WNT3A: variants seen among roughly 807,000 people sequenced by gnomAD.
The protein encoded by WNT3A is protein Wnt-3a.
Under a neutral mutation model 37.0 loss-of-function variants are expected in WNT3A, and 17 were observed. The ratio of observed to expected loss-of-function variants is 0.46; its 90% CI spans 0.31 to 0.69. WNT3A has a LOEUF of 0.69. Ranked by LOEUF, WNT3A falls within the 30% of genes least tolerant of loss-of-function variation. The pLI, the probability that WNT3A is intolerant of heterozygous loss-of-function variation, is 0.05. For missense variants in WNT3A, 411 were observed against 510.2 expected (o/e 0.81, Z 1.87); for synonymous variants, 187 against 211.0 (o/e 0.89, Z 0.99).
At chr1:228,030,940 G>T (rs539912803) in intron 2 of WNT3A, among the ~76,000 whole-genome samples, 1 of 152,384 alleles carries the variant, frequency 6.6e-6, no homozygotes, top group East Asian at 1.9e-4. Context: ...GTCCTTTGGA[G>T]GGGAGGTGCC....
intron 1 of WNT3A, among the ~76,000 whole-genome samples, chr1:228,014,755 C>T (rs997822317): frequency 6.6e-6 from 1 of 152,254 alleles, no homozygotes; most frequent in African/African-American, 2.4e-5. Flanking sequence ...TGGTCCTGGG[C>T]CAGCCTCCTT....
At chr1:228,035,782 C>T (rs1309401681) in intron 2 of WNT3A, among the ~76,000 whole-genome samples, 3 of 152,154 alleles carry the variant, frequency 2.0e-5, no homozygotes, top group Admixed American at 1.3e-4. Context: ...AAGGGCTGAG[C>T]TCCTGCTGTG....
intron 1 of WNT3A, among the ~76,000 whole-genome samples, chr1:228,014,172 C>T (rs1292585754): frequency 2.0e-5 from 3 of 152,204 alleles, no homozygotes; most frequent in Non-Finnish European, 4.4e-5. Context: ...GCAGCAGGGC[C>T]TGAGATCAGT....
chr1:228,033,142 TGA>T lies in WNT3A; in HGVS notation c.313+10235_313+10236del, dbSNP rs2031051116. 5.3e-5 allele frequency among the ~76,000 whole-genome samples: 8 copies of T among 152,348 alleles called. No individual in the cohort carries two copies. In the South Asian group the frequency reaches 1.7e-3, roughly 32 times the overall value. ...TCTGTGGGTTGTCTTTTCACTTGCT[TGA>T]TGGTGTCCTTTGATACATGCAAGAT... On this transcript the variant is annotated intron_variant, in intron 2 of 3. Coordinates refer to ENST00000284523, the MANE Select transcript of WNT3A (RefSeq NM_033131.4).
chr1:228,023,434 CAG>C (rs1558286662), intron 2 of WNT3A, among the ~76,000 whole-genome samples: 1 of 151,702 alleles, frequency 6.6e-6, no homozygotes, highest in Non-Finnish European at 1.5e-5. Flanking sequence ...GACACACACA[CAG>C]AGAGACAAAG....
rs753153402 is a variant in WNT3A, at chr1:228,022,716, C to T, written c.121C>T (p.Leu41=). ...QYSSLGSQPI[L]CASIPGLVPK... is the part of the protein sequence containing the mutation. ...TTCCTCCCTGGGCTCGCAGCCCATC[C>T]TGTGTGCCAGCATCCCGGGCCTGGT... is the stretch of plus-strand genomic sequence containing the variant. The change falls in exon 2 of 4, where the codon CTG becomes TTG. Residue 41 remains leucine, a synonymous_variant. Transcript: ENST00000284523. 1 of 1,614,190 alleles carries T rather than the reference C, an allele frequency of 6.2e-7. No individual in the cohort carries two copies. Among genetic ancestry groups the T allele is most frequent in the South Asian group, 1.1e-5 (1 of 91,082 alleles).
chr1:228,052,276 T>A (rs1377499487), intron 3 of WNT3A, among the ~76,000 whole-genome samples: 2 of 151,960 alleles, frequency 1.3e-5, no homozygotes. Flanking sequence ...TCTGAGTAGC[T>A]GGGACTATAG....
chr1:228,054,529 G>A (rs1233815574), intron 3 of WNT3A, among the ~76,000 whole-genome samples: 2 of 151,226 alleles, frequency 1.3e-5, no homozygotes, highest in East Asian at 3.9e-4. Context: ...TTGGGAGGCC[G>A]AGGCAGGAGA....
At position 228,059,150 on chromosome 1, in the gene WNT3A, G is replaced by A. The variant is rs2031741608; in HGVS notation, c.744G>A (p.Glu248=). ...ASEMVVEKHR[E]SRGWVETLRP... ...AGATGGTGGTGGAGAAGCACCGGGA[G>A]TCCCGCGGCTGGGTGGAGACCCTGC... Residue 248 remains glutamate (E), a synonymous_variant, in exon 4 of 4, where the codon GAG becomes GAA. Transcript: ENST00000284523. 5 of 1,613,514 alleles carry A rather than the reference G, an allele frequency of 3.1e-6. No individual in the cohort carries two copies. The highest frequency in any genetic ancestry group is 4.2e-6 in the Non-Finnish European group (5 of 1,179,992).
rs1366460715 is a variant in WNT3A at position 228,008,016 on chromosome 1, G to T, written c.71+817G>T. 2.6e-5 allele frequency among the ~76,000 whole-genome samples: 4 copies of T among 152,188 alleles called. No individual in the cohort carries two copies. Among genetic ancestry groups the T allele is most frequent in the African/African-American group, 9.6e-5 (4 of 41,452 alleles). On this transcript the variant is annotated intron_variant, in intron 1 of 3. Coordinates refer to ENST00000284523, the MANE Select transcript of WNT3A (RefSeq NM_033131.4). The surrounding 1 kb of genome is among the most constrained non-coding windows in gnomAD (Gnocchi z 4.9). ...GGAAGTGCAGATAAACCAAAGGAAG[G>T]GTCCCGAAAGGTCTCTCTCAGGCCT...
At chr1:228,047,316 G>T (rs1173975081) in intron 2 of WNT3A, among the ~76,000 whole-genome samples, 2 of 152,210 alleles carry the variant, frequency 1.3e-5, no homozygotes, top group Non-Finnish European at 2.9e-5. Flanking sequence ...CAGGCCCGAG[G>T]GGCTCAGGGG....
chr1:228,020,708 A>C (rs1241567595), intron 1 of WNT3A, among the ~76,000 whole-genome samples: 4 of 152,068 alleles, frequency 2.6e-5, no homozygotes, highest in African/African-American at 4.8e-5. Flanking sequence ...GTAGTGAATG[A>C]ATAAAGAAGT....
intron 2 of WNT3A, among the ~76,000 whole-genome samples, chr1:228,032,488 C>A (rs1400869325): frequency 6.6e-6 from 1 of 152,252 alleles, no homozygotes; most frequent in Non-Finnish European, 1.5e-5. Context: ...GCTCTGGAGT[C>A]CCCAAATCTA....
chr1:228,021,486 G>GC (rs2030705707), intron 1 of WNT3A, among the ~76,000 whole-genome samples: 1 of 152,120 alleles, frequency 6.6e-6, no homozygotes, highest in African/African-American at 2.4e-5. Flanking sequence ...TCACAGTTGA[G>GC]CCCCTCCTCC....
Position 228,050,942 on chromosome 1 carries a change from G to T in WNT3A, c.579+21G>T, listed in dbSNP as rs760499034. 1 of 1,514,220 alleles carries T rather than the reference G, an allele frequency of 6.6e-7. No individual in the cohort carries two copies. Among genetic ancestry groups the T allele is most frequent in the Non-Finnish European group, 8.8e-7 (1 of 1,132,984 alleles). The allele number at this position is 1,514,220 out of a possible 1,614,324, so 93.8% of individuals were successfully genotyped here. ...GCCAGGTAGGTTCGCCGCCCGCAAG[G>T]GTGCTTGGGAAAAAGGAGCCTCCTC... On this transcript the variant is annotated intron_variant, in intron 3 of 3. Coordinates refer to ENST00000284523, the MANE Select transcript of WNT3A (RefSeq NM_033131.4). The surrounding 1 kb of genome is among the most constrained non-coding windows in gnomAD (Gnocchi z 5.0).
intron 2 of WNT3A, among the ~76,000 whole-genome samples, chr1:228,046,035 C>G (rs2031396073): frequency 6.6e-6 from 1 of 152,232 alleles, no homozygotes; most frequent in South Asian, 2.1e-4. Flanking sequence ...GACACCCGAT[C>G]CCTGGCCGCT....
At position 228,052,812 on chromosome 1, in the gene WNT3A, G is replaced by A. The variant is rs573286245; in HGVS notation, c.579+1891G>A. Among the ~76,000 whole-genome samples the A allele has an allele frequency of 2.6e-5, 4 of 152,350 alleles. No individual in the cohort carries two copies. The East Asian group carries it at 7.7e-4, about 29-fold the overall frequency. The stretch of plus-strand genomic sequence containing the variant: ...GAGTCCCCATAATTACCCAATTCAT[G>A]ATAGATGAGGCAGTGCAGTGCCATG... On this transcript the variant is annotated intron_variant, in intron 3 of 3. Transcript: ENST00000284523.
In WNT3A at chr1:228,007,385, G is replaced by T. The variant is rs2030229982; in HGVS notation, c.71+186G>T. ...ACCTGTTCAGGCCGCTGGGACGCGT[G>T]GGTGGCGGAGTTTCCGGAGACATTG... is the stretch of plus-strand genomic sequence containing the variant. On this transcript the variant is annotated intron_variant, in intron 1 of 3. Transcript: ENST00000284523. This position sits in a 1 kb window ranked among gnomAD's most constrained non-coding sequence, Gnocchi z 6.0. 1.3e-5 allele frequency among the ~76,000 whole-genome samples: 2 copies of T among 152,170 alleles called. No individual in the cohort carries two copies. Among genetic ancestry groups the T allele is most frequent in the African/African-American group, 2.4e-5 (1 of 41,458 alleles).
At chr1:228,027,968 A>G (rs2030893161) in intron 2 of WNT3A, among the ~76,000 whole-genome samples, 1 of 152,222 alleles carries the variant, frequency 6.6e-6, no homozygotes, top group South Asian at 2.1e-4. Context: ...AGAGATGAGC[A>G]TCCAGTTTCA....
Sources: allele counts gnomAD v4.1 joint callset (sites outside exome capture counted in the v4.1 genomes callset), GRCh38; gene constraint gnomAD v4.1.1; non-coding constraint Gnocchi (gnomAD v3.1); transcripts MANE v1.5; gene names NCBI Gene and HGNC (gene_info 2026-07-23, HGNC 2026-07-21).